The following PRDM5 variants were observed in gnomAD, a reference collection of about 807,000 sequenced individuals.
PRDM5 encodes the protein PR/SET domain 5, also known as PR domain zinc finger protein 5.
A neutral mutation model predicts 81.2 loss-of-function variants in PRDM5; 56 were observed. The observed-to-expected ratio is 0.69, with a 90% CI of 0.56 to 0.86. The LOEUF is 0.86. Among genes scored for constraint, PRDM5 ranks in the 40% least tolerant of loss-of-function variants. The pLI, the probability that PRDM5 is intolerant of heterozygous loss-of-function variation, is 0.00. For synonymous variants in PRDM5, 267 were observed against 256.4 expected (o/e 1.04, Z -0.39); for missense variants, 697 against 770.1 (o/e 0.91, Z 1.12).
At chr4:120,758,552 G>A (rs192613438) in intron 13 of PRDM5, among the ~76,000 whole-genome samples, 213 of 152,138 alleles carry the variant, frequency 1.4e-3, no homozygotes, top group African/African-American at 4.7e-3. Context: ...GAATTATGCC[G>A]CCACAAGCCA....
At chr4:120,734,403 C>CACACACACACAAAT (rs1740760987) in intron 14 of PRDM5, among the ~76,000 whole-genome samples, 5 of 145,756 alleles carry the variant, frequency 3.4e-5, no homozygotes, top group African/African-American at 1.3e-4. Context: ...CACACACACA[C>CACACACACACAAAT]ACACACACAC....
At chr4:120,716,009 C>A (rs193084015) in intron 14 of PRDM5, among the ~76,000 whole-genome samples, 39 of 152,226 alleles carry the variant, frequency 2.6e-4, no homozygotes, top group Admixed American at 2.1e-3. Flanking sequence ...AGACTGACTC[C>A]CTGCTAGTAT....
chr4:120,771,700 G>A (rs1302659866), intron 13 of PRDM5, among the ~76,000 whole-genome samples: 1 of 152,000 alleles, frequency 6.6e-6, no homozygotes, highest in East Asian at 1.9e-4. Flanking sequence ...GAAATAAAAG[G>A]GAAAGGTATT....
chr4:120,806,682 C>T (rs1053663976), intron 8 of PRDM5, among the ~76,000 whole-genome samples: 6 of 151,986 alleles, frequency 3.9e-5, no homozygotes, highest in African/African-American at 7.2e-5. Flanking sequence ...TCCTTACACC[C>T]TATACAAAAA....
chr4:120,774,902 A>ATATATATATATATGTATATG (rs1553963976), intron 13 of PRDM5, among the ~76,000 whole-genome samples: 1 of 146,052 alleles, frequency 6.8e-6, no homozygotes, highest in African/African-American at 2.5e-5. Flanking sequence ...ATATATATAT[A>ATATATATATATATGTATATG]TATATGTATA....
At chr4:120,712,717 T>G (rs1737187620) in intron 14 of PRDM5, among the ~76,000 whole-genome samples, 1 of 152,250 alleles carries the variant, frequency 6.6e-6, no homozygotes, top group South Asian at 2.1e-4. Context: ...TACTTTATCA[T>G]TGTTCAACAT....
chr4:120,803,474 G>T (rs1249517352), intron 8 of PRDM5, among the ~76,000 whole-genome samples: 1 of 152,142 alleles, frequency 6.6e-6, no homozygotes, highest in Non-Finnish European at 1.5e-5. Context: ...GGGTTACCCA[G>T]AAAGGAAAGC....
chr4:120,757,040 T>C (rs1744847754), intron 13 of PRDM5, among the ~76,000 whole-genome samples: 1 of 152,172 alleles, frequency 6.6e-6, no homozygotes, highest in Non-Finnish European at 1.5e-5. Flanking sequence ...ATCAGGTAAA[T>C]AATTATATGT....
intron 15 of PRDM5, among the ~76,000 whole-genome samples, chr4:120,697,964 A>T (rs1477599999): frequency 9.8e-4 from 20 of 20,406 alleles, no homozygotes; most frequent in Non-Finnish European, 1.8e-3. Context: ...AAAATAAAAT[A>T]AAAAAAAAGA....
intron 3 of PRDM5, 146 bp downstream of exon 3, chr4:120,853,272 T>C (rs1759495894): frequency 1.6e-6 from 2 of 1,243,708 alleles, no homozygotes; most frequent in Non-Finnish European, 2.3e-6. Context: ...CTACATATGC[T>C]GACTAGATGA....
At chr4:120,858,397 G>T (rs934343076) in intron 2 of PRDM5, among the ~76,000 whole-genome samples, 7 of 152,024 alleles carry the variant, frequency 4.6e-5, no homozygotes, top group Non-Finnish European at 1.0e-4. Flanking sequence ...ACGGCACATT[G>T]TTTGTCAGAT....
intron 13 of PRDM5, among the ~76,000 whole-genome samples, chr4:120,773,694 G>T (rs1323249163): frequency 6.6e-6 from 1 of 152,084 alleles, no homozygotes; most frequent in African/African-American, 2.4e-5. Context: ...TAGTAATAAT[G>T]TCCAAGGTAA....
intron 14 of PRDM5, among the ~76,000 whole-genome samples, chr4:120,734,071 G>A (rs901695211): frequency 7.9e-5 from 12 of 152,154 alleles, no homozygotes; most frequent in African/African-American, 2.9e-4. Flanking sequence ...GTCATCCTTA[G>A]GAGAAGGACA....
intron 13 of PRDM5, among the ~76,000 whole-genome samples, chr4:120,775,185 G>T (rs1747967689): frequency 6.6e-6 from 1 of 151,414 alleles, no homozygotes; most frequent in Admixed American, 6.6e-5. Context: ...ATAACCAAAT[G>T]ATACATAAAG....
chr4:120,708,164 T>C (rs1052227080), intron 15 of PRDM5, among the ~76,000 whole-genome samples: 2 of 152,032 alleles, frequency 1.3e-5, no homozygotes, highest in Admixed American at 6.6e-5. Flanking sequence ...CCCCAAATAA[T>C]TGAAAACAGG....
In PRDM5 at chr4:120,922,603, C is replaced by A. The variant is rs745891819; in HGVS notation, c.6G>T (p.Leu2=). 101 of 1,604,624 alleles carry A rather than the reference C, an allele frequency of 6.3e-5. No individual in the cohort carries two copies. The highest frequency in any genetic ancestry group is 8.0e-5 in the Non-Finnish European group (94 of 1,176,680). M[L]GMYVPDRFSL... is the part of the protein sequence containing the mutation. ...AGAACCTGTCCGGCACGTACATGCCCAGCATTTTCCCGGGCGCGGCGGCCG... is the reference window on the plus strand; with the variant it reads ...AGAACCTGTCCGGCACGTACATGCCAAGCATTTTCCCGGGCGCGGCGGCCG... Residue 2 remains leucine, a synonymous_variant, in exon 1 of 16, where the codon CTG becomes CTT. Coordinates refer to ENST00000264808, the MANE Select transcript of PRDM5 (RefSeq NM_018699.4).
intron 8 of PRDM5, among the ~76,000 whole-genome samples, chr4:120,809,920 T>A (rs368321230): frequency 5.6e-4 from 85 of 152,190 alleles, no homozygotes; most frequent in African/African-American, 2.0e-3. Context: ...TACCATCACA[T>A]AGGAGTGTCT....
chr4:120,855,763 G>A (rs1201539225), intron 2 of PRDM5, among the ~76,000 whole-genome samples: 1 of 152,214 alleles, frequency 6.6e-6, no homozygotes, highest in Non-Finnish European at 1.5e-5. Context: ...TTTCTCAGTA[G>A]AATTGAAACT....
Position 120,763,192 on chromosome 4 carries a change from C to T in PRDM5, c.1538-8554G>A, listed in dbSNP as rs1271422563. ...ATTGGGAAGAAGGAAAAAAACAGGA[C>T]AGCCACGTGCTCACGAACTTTTCAG... On this transcript the variant is annotated intron_variant, in intron 13 of 15. Coordinates refer to ENST00000264808, the MANE Select transcript of PRDM5 (RefSeq NM_018699.4). Among the ~76,000 whole-genome samples, 6 of 152,202 alleles carry T rather than the reference C, an allele frequency of 3.9e-5. No individual in the cohort carries two copies. The East Asian group carries it at 1.2e-3, about 29-fold the overall frequency.
Sources: gnomAD v4.1 joint callset for allele counts (sites outside exome capture counted in the v4.1 genomes callset) on GRCh38, gnomAD v4.1.1 for gene constraint, MANE v1.5 for transcripts, NCBI Gene and HGNC (gene_info 2026-07-23, HGNC 2026-07-21) for gene names.